The following OTUD7B variants were observed in gnomAD, a reference collection of about 807,000 sequenced individuals.
OTUD7B encodes OTU deubiquitinase 7B, also known as OTU domain-containing protein 7B.
In OTUD7B, 34 loss-of-function variants were observed where a neutral mutation model predicts 82.2. The observed-to-expected ratio is 0.41, with a 90% CI of 0.31 to 0.55. The LOEUF is 0.55. Among genes scored for constraint, OTUD7B ranks in the 20% least tolerant of loss-of-function variants. OTUD7B has a pLI of 0.20. For synonymous variants in OTUD7B, 398 were observed against 402.7 expected, an observed-to-expected ratio of 0.99 and a Z score of 0.14; for missense variants, 944 against 1,062.1, an observed-to-expected ratio of 0.89 and a Z score of 1.55.
At chr1:150,059,132 C>A in the OTUD7B span, among the ~76,000 whole-genome samples, 1 of 147,436 alleles carries the variant, frequency 6.8e-6, no homozygotes. Flanking sequence ...CGGCTCACTG[C>A]AACCTCTGCC....
the OTUD7B span, chr1:150,050,684 C>T: frequency 1.3e-5 from 2 of 152,128 alleles, no homozygotes; most frequent in Non-Finnish European, 2.9e-5. Context: ...ATTTTGCAAT[C>T]TATTTTAGCC....
At chr1:150,011,245 A>G (rs782009300), upstream of OTUD7B, among the ~76,000 whole-genome samples, 18 of 152,192 alleles carry the variant, frequency 1.2e-4, no homozygotes, top group Non-Finnish European at 2.5e-4. Flanking sequence ...TACTTGCATA[A>G]CAGTGATACC....
the OTUD7B span, among the ~76,000 whole-genome samples, chr1:150,050,199 A>G: frequency 6.6e-6 from 1 of 152,214 alleles, no homozygotes; most frequent in Non-Finnish European, 1.5e-5. Flanking sequence ...GTCTCAAAAA[A>G]AAAAGCATGC....
the OTUD7B span, among the ~76,000 whole-genome samples, chr1:150,044,366 C>T: frequency 1.7e-3 from 262 of 152,002 alleles, no homozygotes; most frequent in African/African-American, 6.1e-3. Context: ...CTCCACAATG[C>T]CTGGCTAATT....
chr1:149,990,226 CT>C lies in OTUD7B; in HGVS notation c.-66-12651del, dbSNP rs782596283. Among the ~76,000 whole-genome samples, 11 of 152,318 alleles carry C rather than the reference CT, an allele frequency of 7.2e-5. No individual in the cohort carries two copies. The South Asian group carries it at 1.4e-3, about 20-fold the overall frequency. ...CAGGTGGGTTAGGGAAGCTTCTAAA[CT>C]TTTAGCCAAGCCTTTAAGGACGTGT... On this transcript the variant is annotated intron_variant, in intron 1 of 11. Coordinates refer to ENST00000581312, the MANE Select transcript of OTUD7B (RefSeq NM_020205.4).
At chr1:150,021,222 T>A in the OTUD7B span, among the ~76,000 whole-genome samples, 1 of 152,190 alleles carries the variant, frequency 6.6e-6, no homozygotes, top group African/African-American at 2.4e-5. Context: ...ACATGTTCCA[T>A]TTTGCTATAT....
At chr1:150,026,867 A>G in the OTUD7B span, among the ~76,000 whole-genome samples, 4 of 152,202 alleles carry the variant, frequency 2.6e-5, no homozygotes, top group Non-Finnish European at 4.4e-5. Context: ...TATGTCTCCG[A>G]TTACTGCTTA....
intron 1 of OTUD7B, among the ~76,000 whole-genome samples, chr1:150,008,727 C>T (rs587740872): frequency 2.0e-5 from 3 of 152,094 alleles, no homozygotes; most frequent in South Asian, 2.1e-4. Context: ...TTCATGTTAA[C>T]GGATAATTAT....
At chr1:150,013,638 C>T (rs1653165849), upstream of OTUD7B, among the ~76,000 whole-genome samples, 1 of 151,792 alleles carries the variant, frequency 6.6e-6, no homozygotes, top group Non-Finnish European at 1.5e-5. Flanking sequence ...ATATCTAGGG[C>T]TCGGCTGGGA....
At position 149,942,877 on chromosome 1, in the gene OTUD7B, A is replaced by G. The variant is rs2101707002; in HGVS notation, c.*980T>C. ...GTCAATAAAATAAGTTGCTTTCTAC[A>G]GAAACGCAGCAGCCACAGAGGCCTG... On this transcript the variant is annotated 3_prime_UTR_variant, in exon 12 of 12. Transcript: ENST00000581312. 1 of 152,626 alleles carries G rather than the reference A, an allele frequency of 6.6e-6. No individual in the cohort carries two copies. Among genetic ancestry groups the G allele is most frequent in the Middle Eastern group, 3.4e-3 (1 of 294 alleles). 9.5% of individuals were successfully genotyped at this position (152,626 alleles called of 1,614,324 possible).
chr1:149,993,786 A>T (rs1415156638), intron 1 of OTUD7B, among the ~76,000 whole-genome samples: 1 of 152,202 alleles, frequency 6.6e-6, no homozygotes, highest in African/African-American at 2.4e-5. Context: ...TATCTGTATT[A>T]TAGGAATGTG....
the OTUD7B span, among the ~76,000 whole-genome samples, chr1:150,043,505 A>T: frequency 6.6e-6 from 1 of 152,142 alleles, no homozygotes; most frequent in Non-Finnish European, 1.5e-5. Flanking sequence ...TGTAAGGAAA[A>T]GATTGCCAAC....
In OTUD7B at chr1:149,940,378, A is replaced by G. The variant is rs1047820522; in HGVS notation, c.*3479T>C. The stretch of plus-strand genomic sequence containing the variant: ...TTGTTGATAAAAACCAGTATGGAGG[A>G]AAAACTTCTGGTTAAATCTTGTAAC... On this transcript the variant is annotated 3_prime_UTR_variant, in exon 12 of 12. Transcript: ENST00000581312. 6.6e-5 allele frequency: 10 copies of G among 152,214 alleles called. No homozygotes were observed. The highest frequency in any genetic ancestry group is 2.2e-4 in the African/African-American group (9 of 41,444). 9.4% of individuals were successfully genotyped at this position (152,214 alleles called of 1,614,324 possible).
At chr1:150,062,273 A>C in the OTUD7B span, among the ~76,000 whole-genome samples, 3,222 of 152,318 alleles carry the variant, frequency 0.021, 91 homozygotes, top group African/African-American at 0.073. Flanking sequence ...ATGTTATACC[A>C]ATTTTTACAC....
intron 2 of OTUD7B, 118 bp downstream of exon 2, chr1:149,977,308 C>G: frequency 6.9e-6 from 5 of 729,442 alleles, no homozygotes; most frequent in Non-Finnish European, 1.2e-5. Context: ...TTAGAATTAA[C>G]TATAGGGCCT....
rs1649385678 is a variant in OTUD7B, at chr1:149,964,475, C to T, written c.605-126G>A. 3.9e-6 allele frequency: 3 copies of T among 763,256 alleles called. No homozygotes were observed. The East Asian group carries it at 8.2e-5, about 21-fold the overall frequency. 47.3% of individuals were successfully genotyped at this position (763,256 alleles called of 1,614,324 possible). On this transcript the variant is annotated intron_variant, in intron 5 of 11. Coordinates refer to ENST00000581312, the MANE Select transcript of OTUD7B (RefSeq NM_020205.4). ...TCAAACCCCTGGCCTCAAGTGACCCCCCTGCCTTACCCTCCCAAAGTGCTG... is the reference window on the plus strand; with the variant it reads ...TCAAACCCCTGGCCTCAAGTGACCCTCCTGCCTTACCCTCCCAAAGTGCTG...
chr1:149,956,146 T>C (rs1553774519), intron 7 of OTUD7B, among the ~76,000 whole-genome samples: 1 of 152,200 alleles, frequency 6.6e-6, no homozygotes, highest in Admixed American at 6.5e-5. Context: ...GTCTTTAAAT[T>C]TGGCATGTTT....
chr1:150,031,212 C>T, the OTUD7B span, among the ~76,000 whole-genome samples: 1 of 152,018 alleles, frequency 6.6e-6, no homozygotes, highest in East Asian at 1.9e-4. Flanking sequence ...AGCACGATGC[C>T]ACCATATTTT....
chr1:150,046,514 C>T, the OTUD7B span, among the ~76,000 whole-genome samples: 2 of 146,444 alleles, frequency 1.4e-5, no homozygotes, highest in Non-Finnish European at 3.0e-5. Flanking sequence ...GTGGGGCGAT[C>T]TCGGCTCACT....
Sources: allele counts gnomAD v4.1 joint callset (sites outside exome capture counted in the v4.1 genomes callset), GRCh38; gene constraint gnomAD v4.1.1; transcripts MANE v1.5; gene names NCBI Gene and HGNC (gene_info 2026-07-23, HGNC 2026-07-21).